FAM135B: variants seen among roughly 807,000 people sequenced by gnomAD.
FAM135B encodes the protein protein FAM135B.
In FAM135B, 43 loss-of-function variants were observed where a neutral mutation model predicts 127.7. The ratio of observed to expected loss-of-function variants is 0.34; its 90% CI spans 0.26 to 0.43. The LOEUF is 0.43. Among genes scored for constraint, FAM135B ranks in the 20% least tolerant of loss-of-function variants. The probability of loss-of-function intolerance (pLI) is 1.00; values close to 1 mark genes in which losing one functional copy is unlikely to be tolerated. For synonymous variants in FAM135B, 670 were observed against 665.1 expected (o/e 1.01, Z -0.11); for missense variants, 1,558 against 1,725.6 (o/e 0.90, Z 1.72).
intron 9 of FAM135B, among the ~76,000 whole-genome samples, chr8:138,182,306 C>T (rs1287385736): frequency 6.6e-6 from 1 of 152,232 alleles, no homozygotes; most frequent in African/African-American, 2.4e-5. Context: ...CCTGTGCAAT[C>T]ACAGATGGCG....
At chr8:138,223,967 T>C (rs1237138812) in intron 7 of FAM135B, among the ~76,000 whole-genome samples, 1 of 151,752 alleles carries the variant, frequency 6.6e-6, no homozygotes, top group Non-Finnish European at 1.5e-5. Context: ...CACTTTTAAG[T>C]GGGAGCTAAA....
intron 1 of FAM135B, among the ~76,000 whole-genome samples, chr8:138,418,823 A>T (rs34613689): frequency 0.067 from 10,066 of 151,284 alleles, 785 homozygotes; most frequent in East Asian, 0.26. Context: ...TTTTCACATC[A>T]GCCTTACTAG....
At chr8:138,426,018 C>CACACAT in intron 1 of FAM135B, among the ~76,000 whole-genome samples, 1 of 102,006 alleles carries the variant, frequency 9.8e-6, no homozygotes, top group African/African-American at 4.6e-5. Context: ...TATATACACA[C>CACACAT]ACATACATAT....
At chr8:138,475,637 C>T (rs898733275) in intron 1 of FAM135B, among the ~76,000 whole-genome samples, 4 of 152,148 alleles carry the variant, frequency 2.6e-5, no homozygotes, top group Non-Finnish European at 2.9e-5. Context: ...ACTCAATATC[C>T]GCTGCCTCTG....
chr8:138,226,150 CGTGTGT>C (rs72185111), intron 7 of FAM135B, among the ~76,000 whole-genome samples: 10 of 133,558 alleles, frequency 7.5e-5, no homozygotes, highest in Non-Finnish European at 9.5e-5. Flanking sequence ...GGGGACCCAC[CGTGTGT>C]GTGTGTGTGT....
intron 9 of FAM135B, among the ~76,000 whole-genome samples, chr8:138,183,647 T>C (rs771362031): frequency 3.3e-4 from 50 of 152,228 alleles, no homozygotes; most frequent in Non-Finnish European, 6.5e-4. Context: ...TTCCTTCCGA[T>C]GTTCAAGGAT....
Position 138,242,165 on chromosome 8 carries a change from T to TTGTGTGTG in FAM135B, c.669+769_669+776dup, listed in dbSNP as rs55837421. Among the ~76,000 whole-genome samples, 794 of 130,060 alleles carry TTGTGTGTG rather than the reference T, an allele frequency of 6.1e-3. 12 individuals carry two copies. Among genetic ancestry groups the TTGTGTGTG allele is most frequent in the African/African-American group, 0.015 (505 of 34,098 alleles). The allele number at this position is 130,060 out of a possible 152,430, so 85.3% of individuals were successfully genotyped here. On this transcript the variant is annotated intron_variant, in intron 7 of 19. Transcript: ENST00000395297. The surrounding 1 kb of genome is among the most constrained non-coding windows in gnomAD (Gnocchi z 9.6). ...AGTCAATTACTTATGATAAATCTCTTTGTGTGTGTGTGTGTGTGTGTGTGT... is the reference window on the plus strand; with the variant it reads ...AGTCAATTACTTATGATAAATCTCTTTGTGTGTGTGTGTGTGTGTGTGTGTGTGTGTGT...
chr8:138,415,933 A>G (rs1834120181), intron 1 of FAM135B, among the ~76,000 whole-genome samples: 1 of 152,170 alleles, frequency 6.6e-6, no homozygotes, highest in Admixed American at 6.5e-5. Context: ...TTGGCATAGC[A>G]GTCAAAGCCC....
chr8:138,427,494 C>A (rs1834960500), intron 1 of FAM135B, among the ~76,000 whole-genome samples: 1 of 151,868 alleles, frequency 6.6e-6, no homozygotes, highest in Non-Finnish European at 1.5e-5. Context: ...ACCTATGAGA[C>A]AATAATTATG....
chr8:138,301,626 G>T (rs1480316663), intron 3 of FAM135B, among the ~76,000 whole-genome samples: 1 of 152,118 alleles, frequency 6.6e-6, no homozygotes, highest in African/African-American at 2.4e-5. Context: ...CAGGCCCTCT[G>T]CTAGGCACCA....
chr8:138,386,152 G>A (rs904173067), intron 1 of FAM135B, among the ~76,000 whole-genome samples: 6 of 151,582 alleles, frequency 4.0e-5, no homozygotes, highest in Non-Finnish European at 7.4e-5. Flanking sequence ...GAAGGTAGAG[G>A]TTGCAATTAG....
At chr8:138,147,779 GA>G (rs147879065) in intron 14 of FAM135B, among the ~76,000 whole-genome samples, 28,450 of 151,076 alleles carry the variant, frequency 0.19, 2,679 homozygotes, top group South Asian at 0.23. Flanking sequence ...ATGCATGATG[GA>G]AAAAAAAATT....
chr8:138,285,391 C>T (rs1220021980), intron 3 of FAM135B, among the ~76,000 whole-genome samples: 1 of 152,024 alleles, frequency 6.6e-6, no homozygotes, highest in Non-Finnish European at 1.5e-5. Flanking sequence ...AGGTTATACG[C>T]CCACCTCGGC....
At chr8:138,194,914 G>A (rs545964317) in intron 9 of FAM135B, among the ~76,000 whole-genome samples, 1 of 152,300 alleles carries the variant, frequency 6.6e-6, no homozygotes, top group Non-Finnish European at 1.5e-5. Flanking sequence ...CTGTGCACAG[G>A]TACAAGATTC....
chr8:138,267,141 C>T (rs1196301614), intron 3 of FAM135B, among the ~76,000 whole-genome samples: 1 of 152,116 alleles, frequency 6.6e-6, no homozygotes, highest in Non-Finnish European at 1.5e-5. Flanking sequence ...GTAATTACAT[C>T]CTAAGGGTAG....
rs577592313 is a variant in FAM135B, at chr8:138,175,153, T to C, written c.1103+2194A>G. ...TTGAAATGCCAAGGCCCATAGTCAT[T>C]TGCTGGTAAAAGAAAAACAAAAGCA... On this transcript the variant is annotated intron_variant, in intron 11 of 19. Transcript: ENST00000395297. Among the ~76,000 whole-genome samples the C allele has an allele frequency of 2.0e-5, 3 of 152,284 alleles. No homozygotes were observed. The East Asian group carries it at 5.8e-4, about 29-fold the overall frequency.
intron 1 of FAM135B, among the ~76,000 whole-genome samples, chr8:138,387,363 T>C (rs1301065553): frequency 6.6e-6 from 1 of 152,128 alleles, no homozygotes; most frequent in Non-Finnish European, 1.5e-5. Flanking sequence ...CGCCTCCTAG[T>C]GCTGTGTGGA....
Position 138,497,089 on chromosome 8 carries a change from T to C in FAM135B, c.-438A>G, listed in dbSNP as rs1815427432. On this transcript the variant is annotated 5_prime_UTR_variant, in exon 1 of 20. Transcript: ENST00000395297. ...GCGCCCGCGCCGCTGGGCTGGCGCC[T>C]CCCGGGCTGCGCTCACCTCTGGCGC... Among the ~76,000 whole-genome samples the C allele has an allele frequency of 6.6e-6, 1 of 151,364 alleles. No homozygotes were observed. Among genetic ancestry groups the C allele is most frequent in the African/African-American group, 2.4e-5 (1 of 41,270 alleles).
chr8:138,356,408 C>A (rs1830093761), intron 2 of FAM135B, among the ~76,000 whole-genome samples: 1 of 152,056 alleles, frequency 6.6e-6, no homozygotes, highest in Non-Finnish European at 1.5e-5. Flanking sequence ...ATATTGAACC[C>A]ATGTGAGCCT....
Sources: gnomAD v4.1 joint callset for allele counts (sites outside exome capture counted in the v4.1 genomes callset) on GRCh38, gnomAD v4.1.1 for gene constraint, Gnocchi (gnomAD v3.1) non-coding constraint, MANE v1.5 for transcripts, NCBI Gene and HGNC (gene_info 2026-07-23, HGNC 2026-07-21) for gene names.